The following IMMP2L variants were observed in gnomAD, a reference collection of about 807,000 sequenced individuals.
IMMP2L encodes the protein inner mitochondrial membrane peptidase subunit 2, also known as mitochondrial inner membrane protease subunit 2.
IMMP2L carries 18 observed loss-of-function variants against 19.3 expected under a neutral mutation model. The observed-to-expected ratio is 0.93, with a 90% confidence interval of 0.64 to 1.38. The LOEUF (loss-of-function observed/expected upper bound fraction) is 1.38, where lower values mean the gene tolerates loss of function less well. IMMP2L is among the 40% of genes most tolerant of loss of function. The pLI is 0.00. For synonymous variants in IMMP2L, 76 were observed against 73.0 expected, an observed-to-expected ratio of 1.04 and a Z score of -0.21; for missense variants, 233 against 218.2, an observed-to-expected ratio of 1.07 and a Z score of -0.43.
rs1484229556 is a variant in IMMP2L at position 111,214,328 on chromosome 7, C to CTTTTTTTTTTTTTTTTTTTTTT, written c.240-250764_240-250763insAAAAAAAAAAAAAAAAAAAAAA. 4.7e-5 allele frequency among the ~76,000 whole-genome samples: 4 copies of CTTTTTTTTTTTTTTTTTTTTTT among 85,110 alleles called. 1 individual carries two copies. Among genetic ancestry groups the CTTTTTTTTTTTTTTTTTTTTTT allele is most frequent in the Non-Finnish European group, 6.8e-5 (3 of 44,320 alleles). 55.8% of individuals were successfully genotyped at this position (85,110 alleles called of 152,430 possible). ...GTGAATGAATGACAAAGTAATTTTT[C>CTTTTTTTTTTTTTTTTTTTTTT]TTCTTTTTTTTTTTTTTTTTTTTTT... is the stretch of plus-strand genomic sequence containing the variant. On this transcript the variant is annotated intron_variant, in intron 3 of 5. Transcript: ENST00000405709.
intron 3 of IMMP2L, among the ~76,000 whole-genome samples, chr7:111,398,977 G>C (rs1218301900): frequency 4.0e-5 from 6 of 151,604 alleles, no homozygotes; most frequent in African/African-American, 1.5e-4. Context: ...AGAAATCACA[G>C]ATGACACAAA....
At chr7:111,016,778 A>G (rs1825652075) in intron 3 of IMMP2L, among the ~76,000 whole-genome samples, 1 of 91,316 alleles carries the variant, frequency 1.1e-5, no homozygotes, top group African/African-American at 4.5e-5. Context: ...ATATGCATAT[A>G]TAATATATAC....
chr7:111,314,855 A>G lies in IMMP2L; in HGVS notation c.239+172383T>C, dbSNP rs148283675. 6.8e-4 allele frequency among the ~76,000 whole-genome samples: 104 copies of G among 152,302 alleles called. 1 individual carries two copies. The highest frequency in any genetic ancestry group is 9.0e-4 in the Non-Finnish European group (61 of 68,006). The stretch of plus-strand genomic sequence containing the variant: ...ACCTATGGAATATAATTGCAAGGGT[A>G]GTAAAAATGTAACTTAAATTAAGCT... On this transcript the variant is annotated intron_variant, in intron 3 of 5. Transcript: ENST00000405709.
chr7:110,849,188 G>A (rs1203812475), intron 5 of IMMP2L, among the ~76,000 whole-genome samples: 2 of 152,024 alleles, frequency 1.3e-5, no homozygotes, highest in Non-Finnish European at 1.5e-5. Flanking sequence ...GGATATATGA[G>A]AACTCTGTAC....
At chr7:111,142,957 T>C (rs1220387616) in intron 3 of IMMP2L, among the ~76,000 whole-genome samples, 1 of 152,204 alleles carries the variant, frequency 6.6e-6, no homozygotes, top group Non-Finnish European at 1.5e-5. Context: ...CCTGTACTAT[T>C]GTATACTTTT....
chr7:111,459,558 C>T (rs1447459221), intron 3 of IMMP2L, among the ~76,000 whole-genome samples: 1 of 152,008 alleles, frequency 6.6e-6, no homozygotes, highest in Admixed American at 6.6e-5. Flanking sequence ...TACTTACTCC[C>T]CCTTTAAGAG....
At chr7:110,763,126 T>G (rs866408976) in intron 5 of IMMP2L, among the ~76,000 whole-genome samples, 2 of 152,082 alleles carry the variant, frequency 1.3e-5, no homozygotes, top group Non-Finnish European at 2.9e-5. Flanking sequence ...TTTCTTTCCT[T>G]CTTTGGGATA....
intron 1 of IMMP2L, among the ~76,000 whole-genome samples, chr7:111,540,607 C>T (rs1314451111): frequency 1.3e-5 from 2 of 152,134 alleles, no homozygotes; most frequent in African/African-American, 4.8e-5. Flanking sequence ...CTAGCCACAC[C>T]TTCATTTGGC....
In IMMP2L at chr7:110,877,595, A is replaced by G. The variant is rs577823714; in HGVS notation, c.408+8998T>C. Among the ~76,000 whole-genome samples, 6 of 152,252 alleles carry G rather than the reference A, an allele frequency of 3.9e-5. No homozygotes were observed. Among genetic ancestry groups the G allele is most frequent in the East Asian group, 3.9e-4 (2 of 5,168 alleles). Reference sequence around the variant, plus strand: ...ACGGATCTGGAAAATTTGGCGGGAGACAGGATCAAAAGGGTTTGACTGCCC... The same window carrying G: ...ACGGATCTGGAAAATTTGGCGGGAGGCAGGATCAAAAGGGTTTGACTGCCC... On this transcript the variant is annotated intron_variant, in intron 5 of 5. Transcript: ENST00000405709. The surrounding 1 kb of genome is among the most constrained non-coding windows in gnomAD (Gnocchi z 4.0).
chr7:110,960,629 A>G (rs1371024251), intron 4 of IMMP2L, among the ~76,000 whole-genome samples: 1 of 151,882 alleles, frequency 6.6e-6, no homozygotes, highest in Non-Finnish European at 1.5e-5. Context: ...TGCTCTTCCC[A>G]GTTTCTGCCA....
intron 3 of IMMP2L, among the ~76,000 whole-genome samples, chr7:111,380,986 G>A (rs2131220585): frequency 6.6e-6 from 1 of 152,010 alleles, no homozygotes; most frequent in South Asian, 2.1e-4. Flanking sequence ...GAATGAGAGT[G>A]CAAATCTGAG....
intron 3 of IMMP2L, among the ~76,000 whole-genome samples, chr7:111,417,479 T>C (rs80271305): frequency 0.046 from 6,992 of 151,916 alleles, 267 homozygotes; most frequent in South Asian, 0.083. Flanking sequence ...TGTTCCAGTA[T>C]AGGAATGGCT....
chr7:110,798,058 T>C (rs1162145800), intron 5 of IMMP2L, among the ~76,000 whole-genome samples: 1 of 151,958 alleles, frequency 6.6e-6, no homozygotes, highest in Non-Finnish European at 1.5e-5. Flanking sequence ...GTGCAATTAA[T>C]CACAAAGCCA....
chr7:110,979,303 A>C (rs964307022), intron 3 of IMMP2L, among the ~76,000 whole-genome samples: 17 of 152,164 alleles, frequency 1.1e-4, no homozygotes, highest in Non-Finnish European at 1.5e-4. Flanking sequence ...ATTTATGTCT[A>C]AATTTTTTCT....
At chr7:110,734,764 T>C (rs916058946) in intron 5 of IMMP2L, among the ~76,000 whole-genome samples, 1 of 152,108 alleles carries the variant, frequency 6.6e-6, no homozygotes, top group Non-Finnish European at 1.5e-5. Context: ...GCCTAAAAAA[T>C]CAAGTTGCTG....
chr7:110,820,931 C>T (rs1802969330), intron 5 of IMMP2L, among the ~76,000 whole-genome samples: 1 of 152,170 alleles, frequency 6.6e-6, no homozygotes, highest in East Asian at 1.9e-4. Flanking sequence ...TCTCCCTCCA[C>T]TAAAATGTTT....
At chr7:111,542,348 C>A (rs970510560) in intron 1 of IMMP2L, among the ~76,000 whole-genome samples, 1 of 152,080 alleles carries the variant, frequency 6.6e-6, no homozygotes, top group Non-Finnish European at 1.5e-5. Flanking sequence ...AATTTTATAT[C>A]ACTATGTTAA....
intron 3 of IMMP2L, among the ~76,000 whole-genome samples, chr7:111,418,130 A>T (rs1418166632): frequency 6.6e-6 from 1 of 151,910 alleles, no homozygotes; most frequent in African/African-American, 2.4e-5. Flanking sequence ...ATTTTTCCAA[A>T]TATTATTATG....
chr7:110,743,444 TG>T (rs1359816053), intron 5 of IMMP2L, among the ~76,000 whole-genome samples: 5 of 152,354 alleles, frequency 3.3e-5, no homozygotes, highest in South Asian at 2.1e-4. Context: ...TTATTTAAAA[TG>T]TTTTTTTAAA....
Sources: allele counts gnomAD v4.1 joint callset (sites outside exome capture counted in the v4.1 genomes callset), GRCh38; gene constraint gnomAD v4.1.1; non-coding constraint Gnocchi (gnomAD v3.1); transcripts MANE v1.5; gene names NCBI Gene and HGNC (gene_info 2026-07-23, HGNC 2026-07-21).